Variants in TMEM132C observed in about 807,000 individuals in gnomAD.
TMEM132C encodes the protein transmembrane protein 132C.
A neutral mutation model predicts 61.4 loss-of-function variants in TMEM132C; 29 were observed. The observed-to-expected ratio is 0.47, with a 90% CI of 0.35 to 0.64. The LOEUF (loss-of-function observed/expected upper bound fraction) is 0.64, where lower values mean the gene tolerates loss of function less well. TMEM132C is among the 30% of genes least tolerant of loss of function. TMEM132C has a pLI of 0.00. For synonymous variants in TMEM132C, 656 were observed against 633.1 expected (o/e 1.04, Z -0.54); for missense variants, 1,408 against 1,476.9 (o/e 0.95, Z 0.76).
chr12:128,297,608 A>T (rs1348568018), intron 1 of TMEM132C, among the ~76,000 whole-genome samples: 1 of 152,152 alleles, frequency 6.6e-6, no homozygotes, highest in Non-Finnish European at 1.5e-5. Flanking sequence ...ACTTGAACTG[A>T]GAAGGTCTGA....
rs140272149 is a variant in TMEM132C at position 128,492,438 on chromosome 12, G to A, written c.975-51519G>A. On this transcript the variant is annotated intron_variant, in intron 2 of 8. Coordinates refer to ENST00000435159, the MANE Select transcript of TMEM132C (RefSeq NM_001136103.3). ...GAGGAATCGCCACACTGTCTTCCAC[G>A]ATGGTTGACCTAATTTACACTCCCA... Among the ~76,000 whole-genome samples, 19 of 152,120 alleles carry A rather than the reference G, an allele frequency of 1.2e-4. 1 individual carries two copies. Among genetic ancestry groups the A allele is most frequent in the African/African-American group, 3.4e-4 (14 of 41,418 alleles).
At chr12:128,287,519 CTA>C (rs1871113217) in intron 1 of TMEM132C, among the ~76,000 whole-genome samples, 1 of 136,844 alleles carries the variant, frequency 7.3e-6, no homozygotes, top group Non-Finnish European at 1.7e-5. Context: ...ATATCTATAT[CTA>C]TATCTATCTG....
At chr12:128,389,610 G>T (rs947536400) in intron 1 of TMEM132C, among the ~76,000 whole-genome samples, 3 of 152,170 alleles carry the variant, frequency 2.0e-5, no homozygotes, top group Non-Finnish European at 2.9e-5. Flanking sequence ...TGATCATGGA[G>T]GGAGCACTTG....
chr12:128,467,316 T>C lies in TMEM132C; in HGVS notation c.974+51696T>C, dbSNP rs557599962. Among the ~76,000 whole-genome samples, 269 of 152,314 alleles carry C rather than the reference T, an allele frequency of 1.8e-3. 2 individuals carry two copies. Among genetic ancestry groups the C allele is most frequent in the Non-Finnish European group, 1.5e-3 (105 of 68,030 alleles). Reference sequence around the variant, plus strand: ...CAGCTGCCAGAGATCTTCTTCTCCATCCCAGCATGAAATTCATATTCTTAA... The same window carrying C: ...CAGCTGCCAGAGATCTTCTTCTCCACCCCAGCATGAAATTCATATTCTTAA... On this transcript the variant is annotated intron_variant, in intron 2 of 8. Transcript: ENST00000435159.
chr12:128,681,090 G>C (rs1240561600), intron 5 of TMEM132C, among the ~76,000 whole-genome samples: 1 of 152,006 alleles, frequency 6.6e-6, no homozygotes, highest in Non-Finnish European at 1.5e-5. Flanking sequence ...GTCCCACTTT[G>C]ACCCCTCTGC....
chr12:128,310,017 T>C (rs1320962090), intron 1 of TMEM132C, among the ~76,000 whole-genome samples: 1 of 152,238 alleles, frequency 6.6e-6, no homozygotes, highest in African/African-American at 2.4e-5. Flanking sequence ...ATTACAGGTG[T>C]GAGCCACCGC....
At chr12:128,493,435 T>G (rs1328715463) in intron 2 of TMEM132C, among the ~76,000 whole-genome samples, 3 of 152,220 alleles carry the variant, frequency 2.0e-5, no homozygotes, top group African/African-American at 7.2e-5. Context: ...ATAAATTACC[T>G]TGGGCAGTAT....
At chr12:128,604,795 GTAGA>G (rs1555235400) in intron 3 of TMEM132C, among the ~76,000 whole-genome samples, 3 of 149,106 alleles carry the variant, frequency 2.0e-5, no homozygotes, top group African/African-American at 7.5e-5. Flanking sequence ...TGAATAGATA[GTAGA>G]TAGATGATGG....
intron 3 of TMEM132C, among the ~76,000 whole-genome samples, chr12:128,589,591 T>TAA (rs1875681220): frequency 6.6e-6 from 1 of 151,440 alleles, no homozygotes; most frequent in African/African-American, 2.4e-5. Context: ...CCCTGATTCT[T>TAA]TATTATCTAT....
In TMEM132C at chr12:128,561,893, A is replaced by G. The variant is rs1454480512; in HGVS notation, c.1121+17790A>G. ...GGCACTAGAGGCTGCCCTTGTTGAT[A>G]TGATTCAAGATGGTGTGCTAGTACT... On this transcript the variant is annotated intron_variant, in intron 3 of 8. Transcript: ENST00000435159. 3.3e-5 allele frequency among the ~76,000 whole-genome samples: 5 copies of G among 152,260 alleles called. No homozygotes were observed. In the South Asian group the frequency reaches 1.0e-3, roughly 32 times the overall value.
Position 128,427,387 on chromosome 12 carries a change from GGTGTGTGTGTGTGT to G in TMEM132C, c.974+11796_974+11809del, listed in dbSNP as rs761620460. The stretch of plus-strand genomic sequence containing the variant: ...TCCTTTTAGTTTCTACTTCCAAAGG[GGTGTGTGTGTGTGT>G]GTGTGTGTGTGTGTGTGTGTGTGTG... On this transcript the variant is annotated intron_variant, in intron 2 of 8. Coordinates refer to ENST00000435159, the MANE Select transcript of TMEM132C (RefSeq NM_001136103.3). Among the ~76,000 whole-genome samples, 145 of 132,354 alleles carry G rather than the reference GGTGTGTGTGTGTGT, an allele frequency of 1.1e-3. 1 individual carries two copies. The highest frequency in any genetic ancestry group is 3.5e-3 in the African/African-American group (116 of 33,058). 86.8% of individuals were successfully genotyped at this position (132,354 alleles called of 152,430 possible). A position where few individuals can be genotyped will look rare whatever the true frequency, so the allele number is the denominator to read the frequency against.
intron 1 of TMEM132C, among the ~76,000 whole-genome samples, chr12:128,273,185 G>GT (rs922555400): frequency 1.8e-4 from 28 of 152,018 alleles, no homozygotes; most frequent in Admixed American, 1.3e-4. Context: ...GGTTTTGTCT[G>GT]TTTTTTATTT....
intron 1 of TMEM132C, among the ~76,000 whole-genome samples, chr12:128,395,028 TC>T (rs1445383226): frequency 6.6e-6 from 1 of 151,996 alleles, no homozygotes; most frequent in Non-Finnish European, 1.5e-5. Flanking sequence ...ATAATTTTTT[TC>T]TAAACATTTA....
chr12:128,567,035 G>A (rs899574853), intron 3 of TMEM132C, among the ~76,000 whole-genome samples: 1 of 152,040 alleles, frequency 6.6e-6, no homozygotes, highest in Non-Finnish European at 1.5e-5. Flanking sequence ...AGAAACTTGG[G>A]AACAAAATAC....
intron 2 of TMEM132C, among the ~76,000 whole-genome samples, chr12:128,528,057 G>A (rs113415663): frequency 0.038 from 5,854 of 152,272 alleles, 360 homozygotes; most frequent in African/African-American, 0.13. Flanking sequence ...CAATATTAAT[G>A]AGAAATGTCA....
chr12:128,526,317 G>A (rs4882776), intron 2 of TMEM132C, among the ~76,000 whole-genome samples: 143,829 of 152,236 alleles, frequency 0.94, 68,412 homozygotes, highest in East Asian at 1. Flanking sequence ...GCCACCTGCA[G>A]CTTTAGAGTC....
chr12:128,307,051 G>A (rs552346969), intron 1 of TMEM132C, among the ~76,000 whole-genome samples: 46 of 152,218 alleles, frequency 3.0e-4, no homozygotes, highest in African/African-American at 1.1e-3. Flanking sequence ...ACCATTGCTG[G>A]AAGGAATAAC....
intron 1 of TMEM132C, among the ~76,000 whole-genome samples, chr12:128,380,657 C>G (rs1347906862): frequency 2.6e-5 from 4 of 152,086 alleles, no homozygotes; most frequent in Admixed American, 6.5e-5. Context: ...CACCTGTGAT[C>G]CTGGTATTTT....
chr12:128,701,741 T>A (rs1954805031), intron 8 of TMEM132C, among the ~76,000 whole-genome samples: 1 of 152,152 alleles, frequency 6.6e-6, no homozygotes, highest in African/African-American at 2.4e-5. Flanking sequence ...CGTGGGTGGC[T>A]TTGTCTCCCA....
Sources: allele counts gnomAD v4.1 joint callset (sites outside exome capture counted in the v4.1 genomes callset), GRCh38; gene constraint gnomAD v4.1.1; transcripts MANE v1.5; gene names NCBI Gene and HGNC (gene_info 2026-07-23, HGNC 2026-07-21).